Variants in RNPS1 observed in about 807,000 individuals in gnomAD.
RNPS1 encodes RNA binding protein with serine rich domain 1, also known as RNA-binding protein with serine-rich domain 1.
For missense variants in RNPS1, 300 were observed against 427.6 expected (o/e 0.70, Z 2.63); for synonymous variants, 147 against 150.0 (o/e 0.98, Z 0.15).
chr16:2,266,272 G>C, intron 1 of RNPS1: 1 of 985,420 alleles, frequency 1.0e-6, no homozygotes, highest in Non-Finnish European at 1.2e-6. Flanking sequence ...AGCCAAGGAG[G>C]GCCGAACGCC....
intron 1 of RNPS1, chr16:2,267,250 A>C (rs1490502140): frequency 1.4e-5 from 14 of 985,310 alleles, no homozygotes; most frequent in Non-Finnish European, 1.7e-5. Flanking sequence ...ACAGCCAGAG[A>C]GAGGAGAGAA....
Position 2,264,348 on chromosome 16 carries a change from A to T in RNPS1, c.72-17T>A, listed in dbSNP as rs1405634505. The T allele has an allele frequency of 3.7e-6, 6 of 1,613,964 alleles. No homozygotes were observed. The highest frequency in any genetic ancestry group is 5.1e-6 in the Non-Finnish European group (6 of 1,179,994). ...GAAGGAGCCCTGGATGGTGAGGAAG[A>T]GTGTGAGATTGCGTGCTCCTCTGAC... On this transcript the variant is annotated splice_polypyrimidine_tract_variant and intron_variant, in intron 2 of 7. Transcript: ENST00000320225.
chr16:2,267,727 G>C, intron 1 of RNPS1: 1 of 1,273,568 alleles, frequency 7.9e-7, no homozygotes. Flanking sequence ...TGGGGGCTTG[G>C]GTCTCCGGCC....
intron 6 of RNPS1, among the ~76,000 whole-genome samples, chr16:2,260,755 C>A (rs3095506): frequency 0.041 from 6,170 of 152,190 alleles, 404 homozygotes; most frequent in African/African-American, 0.14. Context: ...AATAATTAAG[C>A]CAAATATAAT....
chr16:2,260,217 G>A (rs777282633), intron 6 of RNPS1, among the ~76,000 whole-genome samples: 5 of 141,102 alleles, frequency 3.5e-5, no homozygotes, highest in Admixed American at 7.4e-5. Flanking sequence ...GTGCAGTGGC[G>A]TAATCTTGGC....
chr16:2,258,111 T>C (rs535258398), intron 6 of RNPS1: 4 of 152,348 alleles, frequency 2.6e-5, no homozygotes, highest in African/African-American at 7.2e-5. Context: ...GGTTATGAGA[T>C]ACAAGTGTTT....
chr16:2,267,741 C>G (rs2093630989), intron 1 of RNPS1: 9 of 1,293,212 alleles, frequency 7.0e-6, no homozygotes, highest in Middle Eastern at 3.0e-4. Flanking sequence ...TCCGGCCCGG[C>G]GGGAGGGCCC....
intron 6 of RNPS1, chr16:2,257,339 T>A (rs897540250): frequency 3.3e-5 from 5 of 152,162 alleles, no homozygotes; most frequent in African/African-American, 1.2e-4. Flanking sequence ...TGGCTATGTA[T>A]TCAGAACATA....
chr16:2,267,841 T>A (rs906206323), intron 1 of RNPS1: 12 of 1,506,392 alleles, frequency 8.0e-6, no homozygotes, highest in Admixed American at 2.1e-5. Context: ...CGCCCTTCCG[T>A]CCGCAGCGGC....
At position 2,253,754 on chromosome 16, in the gene RNPS1, A is replaced by G; in HGVS notation, c.*210T>C. ...AAACGGATGAGCTTTCTAGCCAGAAAACCGGAGGGAATCTTGACAGGCACA... is the reference window on the plus strand; with the variant it reads ...AAACGGATGAGCTTTCTAGCCAGAAGACCGGAGGGAATCTTGACAGGCACA... On this transcript the variant is annotated 3_prime_UTR_variant, in exon 8 of 8. Transcript: ENST00000320225. The G allele has an allele frequency of 4.5e-6, 3 of 673,594 alleles. No homozygotes were observed. Among genetic ancestry groups the G allele is most frequent in the Non-Finnish European group, 8.1e-6 (3 of 369,862 alleles). The allele number at this position is 673,594 out of a possible 1,614,324, so 41.7% of individuals were successfully genotyped here. A position where few individuals can be genotyped will look rare whatever the true frequency, so the allele number is the denominator to read the frequency against.
At chr16:2,267,697 T>C (rs1035979861) in intron 1 of RNPS1, 1 of 1,187,336 alleles carries the variant, frequency 8.4e-7, no homozygotes, top group Non-Finnish European at 1.0e-6. Context: ...CGCGAGCGCT[T>C]CCAGGGCAGG....
In RNPS1 at chr16:2,264,514, C is replaced by A; in HGVS notation, c.71+59G>T. On this transcript the variant is annotated intron_variant, in intron 2 of 7. Coordinates refer to ENST00000320225, the MANE Select transcript of RNPS1 (RefSeq NM_080594.4). Reference sequence around the variant, plus strand: ...AACATTCTCAACTTTCCCCTTTCTGCGGGTCCCTAGCAGTAAGCACCCCCA... The same window carrying A: ...AACATTCTCAACTTTCCCCTTTCTGAGGGTCCCTAGCAGTAAGCACCCCCA... The A allele has an allele frequency of 1.3e-5, 21 of 1,559,428 alleles. No individual in the cohort carries two copies. The South Asian group carries it at 2.2e-4, about 17-fold the overall frequency.
Position 2,260,710 on chromosome 16 carries a change from T to C in RNPS1, c.676+1568A>G, listed in dbSNP as rs531787819. Among the ~76,000 whole-genome samples the C allele has an allele frequency of 1.4e-4, 22 of 152,332 alleles. 1 individual carries two copies. The South Asian group carries it at 4.1e-3, about 29-fold the overall frequency. On this transcript the variant is annotated intron_variant, in intron 6 of 7. Transcript: ENST00000320225. ...GGTATTATCTCAGATAAAAGGCCTA[T>C]AGAAAAAATTATGGTTCTTGCTCCA...
At chr16:2,263,545 A>G (rs1297221756) in intron 3 of RNPS1, among the ~76,000 whole-genome samples, 1 of 152,216 alleles carries the variant, frequency 6.6e-6, no homozygotes. Flanking sequence ...GCTGGGAGGC[A>G]AAGGACTCTG....
chr16:2,265,280 T>G (rs112165809), intron 1 of RNPS1: 1 of 152,280 alleles, frequency 6.6e-6, no homozygotes, highest in South Asian at 2.1e-4. Flanking sequence ...AGATGAAATG[T>G]ACCATATGAA....
At chr16:2,255,129 G>T (rs2093571911) in intron 7 of RNPS1, among the ~76,000 whole-genome samples, 1 of 152,182 alleles carries the variant, frequency 6.6e-6, no homozygotes, top group Non-Finnish European at 1.5e-5. Context: ...GAGACCCAAG[G>T]CAGAAGCCCA....
At position 2,262,860 on chromosome 16, in the gene RNPS1, A is replaced by C; in HGVS notation, c.420-18T>G. ...GTTTGGATCTGATTGAGAAAACAAA[A>C]CACCAGAAACAATTTCTGTCAAGTC... On this transcript the variant is annotated intron_variant, in intron 4 of 7. Transcript: ENST00000320225. 5 of 1,599,494 alleles carry C rather than the reference A, an allele frequency of 3.1e-6. No individual in the cohort carries two copies. Among genetic ancestry groups the C allele is most frequent in the Non-Finnish European group, 4.3e-6 (5 of 1,167,878 alleles).
At chr16:2,258,247 A>C (rs754018339) in intron 6 of RNPS1, 1 of 152,252 alleles carries the variant, frequency 6.6e-6, no homozygotes. Flanking sequence ...TAAAAAGCCA[A>C]ATGTATTCTA....
chr16:2,253,748 C>T lies in RNPS1; in HGVS notation c.*216G>A, dbSNP rs1395013343. 1.4e-5 allele frequency: 9 copies of T among 666,352 alleles called. No individual in the cohort carries two copies. The highest frequency in any genetic ancestry group is 9.0e-5 in the African/African-American group (5 of 55,532). 41.3% of individuals were successfully genotyped at this position (666,352 alleles called of 1,614,324 possible). On this transcript the variant is annotated 3_prime_UTR_variant, in exon 8 of 8. Transcript: ENST00000320225. ...AACCGGAAACGGATGAGCTTTCTAG[C>T]CAGAAAACCGGAGGGAATCTTGACA...
Sources: allele counts gnomAD v4.1 joint callset (sites outside exome capture counted in the v4.1 genomes callset), GRCh38; gene constraint gnomAD v4.1.1; transcripts MANE v1.5; gene names NCBI Gene and HGNC (gene_info 2026-07-23, HGNC 2026-07-21).